The following DMXL2 variants were observed in gnomAD, a reference collection of about 807,000 sequenced individuals.
DMXL2 encodes dmX-like protein 2.
DMXL2 carries 103 observed loss-of-function variants against 331.1 expected under a neutral mutation model. That is an observed-to-expected ratio of 0.31 (90% CI 0.27 to 0.37). The LOEUF is 0.37. Among genes scored for constraint, DMXL2 ranks in the 10% least tolerant of loss-of-function variants. DMXL2 has a pLI of 1.00. For synonymous variants in DMXL2, 1,281 were observed against 1,252.1 expected, an observed-to-expected ratio of 1.02 and a Z score of -0.49; for missense variants, 3,171 against 3,642.9, an observed-to-expected ratio of 0.87 and a Z score of 3.33.
At chr15:51,483,982 G>C (rs1190458619) in intron 23 of DMXL2, among the ~76,000 whole-genome samples, 1 of 152,032 alleles carries the variant, frequency 6.6e-6, no homozygotes, top group Non-Finnish European at 1.5e-5. Flanking sequence ...CCTCAGGCCT[G>C]AGGAGCAGCC....
intron 1 of DMXL2, among the ~76,000 whole-genome samples, chr15:51,609,347 T>C (rs1371209760): frequency 6.6e-6 from 1 of 152,228 alleles, no homozygotes; most frequent in Non-Finnish European, 1.5e-5. Context: ...ACAGAAATTG[T>C]CAGGCTGTAT....
chr15:51,592,942 A>G (rs1047696603), intron 1 of DMXL2, among the ~76,000 whole-genome samples: 1 of 152,204 alleles, frequency 6.6e-6, no homozygotes, highest in African/African-American at 2.4e-5. Flanking sequence ...AACAACCAGT[A>G]CCAGCCACTG....
chr15:51,520,886 A>G (rs986157132), intron 13 of DMXL2, among the ~76,000 whole-genome samples: 1 of 152,098 alleles, frequency 6.6e-6, no homozygotes. Flanking sequence ...ATACATAAAT[A>G]CATAAATGGG....
intron 1 of DMXL2, among the ~76,000 whole-genome samples, chr15:51,596,914 C>T (rs2052856768): frequency 6.6e-6 from 1 of 152,002 alleles, no homozygotes; most frequent in Admixed American, 6.6e-5. Flanking sequence ...CACACCGGGG[C>T]CTGTTGTGAG....
intron 6 of DMXL2, among the ~76,000 whole-genome samples, chr15:51,559,337 T>C (rs1004532531): frequency 6.6e-6 from 1 of 152,254 alleles, no homozygotes; most frequent in Non-Finnish European, 1.5e-5. Flanking sequence ...GCCCAGTTAC[T>C]TTCTTTTAAA....
At chr15:51,532,721 A>G (rs1433800644) in intron 13 of DMXL2, among the ~76,000 whole-genome samples, 1 of 152,236 alleles carries the variant, frequency 6.6e-6, no homozygotes, top group Non-Finnish European at 1.5e-5. Flanking sequence ...ATATGTAATG[A>G]TCAAAGACTG....
intron 23 of DMXL2, 107 bp downstream of exon 23, chr15:51,485,966 T>C (rs1049285662): frequency 1.6e-6 from 2 of 1,235,228 alleles, no homozygotes; most frequent in African/African-American, 1.5e-5. Flanking sequence ...ATTCTCAAAG[T>C]TGAAAAGCAA....
Position 51,481,447 on chromosome 15 carries a change from T to C in DMXL2, c.5659A>G (p.Thr1887Ala). Residue 1887 changes from threonine to alanine, a missense_variant, in exon 24 of 44, where the codon ACC (threonine) becomes GCC (alanine). Coordinates refer to ENST00000560891, the MANE Select transcript of DMXL2 (RefSeq NM_001378457.1). ...INLIERKLFFTTANAHFKVGC... is the reference protein window; with the variant it reads ...INLIERKLFFATANAHFKVGC... ...ACTTTAAAATGAGCATTTGCAGTGG[T>C]AAAGAATAATTTTCTTTCTATGAGG... 1 of 1,612,716 alleles carries C rather than the reference T, an allele frequency of 6.2e-7. No individual in the cohort carries two copies. Among genetic ancestry groups the C allele is most frequent in the Non-Finnish European group, 8.5e-7 (1 of 1,179,428 alleles).
chr15:51,448,777 G>A lies in DMXL2; in HGVS notation c.*207C>T. 1.7e-6 allele frequency: 1 copy of A among 592,830 alleles called. No individual in the cohort carries two copies. The highest frequency in any genetic ancestry group is 2.2e-5 in the South Asian group (1 of 45,938). The allele number at this position is 592,830 out of a possible 1,614,324, so 36.7% of individuals were successfully genotyped here. On this transcript the variant is annotated 3_prime_UTR_variant, in exon 44 of 44. Coordinates refer to ENST00000560891, the MANE Select transcript of DMXL2 (RefSeq NM_001378457.1). ...ATAGCTATCCTTCATACAATACTAG[G>A]TTTTATTTTTTTTAGTATGTCAGCA...
At chr15:51,617,748 G>A (rs1239164362) in intron 1 of DMXL2, among the ~76,000 whole-genome samples, 2 of 152,182 alleles carry the variant, frequency 1.3e-5, no homozygotes, top group African/African-American at 4.8e-5. Context: ...ACCTAAACAT[G>A]TTTAAGTGAT....
intron 8 of DMXL2, 57 bp from the exon 9 acceptor site, chr15:51,542,564 C>T: frequency 7.6e-7 from 1 of 1,317,558 alleles, no homozygotes; most frequent in Non-Finnish European, 1.1e-6. Context: ...AAATGCCAAC[C>T]AAAGTACTCT....
chr15:51,566,891 G>A (rs948440575), intron 3 of DMXL2, among the ~76,000 whole-genome samples: 5 of 152,070 alleles, frequency 3.3e-5, no homozygotes, highest in Admixed American at 1.3e-4. Flanking sequence ...TGAACATTAA[G>A]TAAGACAAAT....
intron 25 of DMXL2, among the ~76,000 whole-genome samples, 168 bp from the exon 26 acceptor site, chr15:51,478,515 CCTTTATACACAT>C (rs1354290047): frequency 2.6e-5 from 4 of 152,128 alleles, no homozygotes; most frequent in Non-Finnish European, 5.9e-5. Context: ...CTGTCACCCA[CCTTTATACACAT>C]GCCACAATAA....
intron 1 of DMXL2, among the ~76,000 whole-genome samples, chr15:51,578,354 G>A (rs1567142901): frequency 6.6e-6 from 1 of 152,234 alleles, no homozygotes; most frequent in East Asian, 1.9e-4. Flanking sequence ...GCCATCCCTA[G>A]CAACTAGTGC....
chr15:51,604,730 T>C (rs1052995408), intron 1 of DMXL2, among the ~76,000 whole-genome samples: 1 of 152,146 alleles, frequency 6.6e-6, no homozygotes, highest in Non-Finnish European at 1.5e-5. Flanking sequence ...TTTGTAGCTA[T>C]GGACAAACTG....
Position 51,450,115 on chromosome 15 carries a change from T to C in DMXL2, c.8967+14A>G, listed in dbSNP as rs190868676. On this transcript the variant is annotated intron_variant, in intron 43 of 43. Transcript: ENST00000560891. The stretch of plus-strand genomic sequence containing the variant: ...TCAGTCTTTAGCACATTCCAACCTC[T>C]TGTACTGACTCACCTTTATGTTACC... The C allele has an allele frequency of 1.9e-6, 3 of 1,612,170 alleles. No homozygotes were observed. Among genetic ancestry groups the C allele is most frequent in the Non-Finnish European group, 2.5e-6 (3 of 1,178,682 alleles).
rs141797667 is a variant in DMXL2, at chr15:51,522,416, G to A, written c.2437-5249C>T. On this transcript the variant is annotated intron_variant, in intron 13 of 43. Transcript: ENST00000560891. ...ATCCCAGCACTTGGGAGGCCGAGGC[G>A]GCTGGCTCACTTGAGGTCAGCAGTT... Among the ~76,000 whole-genome samples the A allele has an allele frequency of 8.0e-3, 1,224 of 152,222 alleles. 34 individuals carry two copies. Among genetic ancestry groups the A allele is most frequent in the Non-Finnish European group, 5.1e-3 (346 of 68,018 alleles).
intron 20 of DMXL2, among the ~76,000 whole-genome samples, chr15:51,491,016 C>T (rs2042756978): frequency 6.6e-6 from 1 of 152,082 alleles, no homozygotes; most frequent in Non-Finnish European, 1.5e-5. Flanking sequence ...CAGGGCATAC[C>T]TCAACTAATA....
chr15:51,590,332 G>C (rs1428193152), intron 1 of DMXL2, among the ~76,000 whole-genome samples: 1 of 152,182 alleles, frequency 6.6e-6, no homozygotes, highest in Non-Finnish European at 1.5e-5. Context: ...TGATTCTCAT[G>C]TAAGCCAGTT....
Sources: allele counts gnomAD v4.1 joint callset (sites outside exome capture counted in the v4.1 genomes callset), GRCh38; gene constraint gnomAD v4.1.1; transcripts MANE v1.5; gene names NCBI Gene and HGNC (gene_info 2026-07-23, HGNC 2026-07-21).